The following MTIF2 variants were observed in gnomAD, a reference collection of about 807,000 sequenced individuals.
MTIF2 encodes the protein mitochondrial translational initiation factor 2.
In MTIF2, 71 loss-of-function variants were observed where a neutral mutation model predicts 83.5. That is an observed-to-expected ratio of 0.85 (90% CI 0.70 to 1.04). The LOEUF is 1.04. Among genes scored for constraint, MTIF2 ranks in the 50% least tolerant of loss-of-function variants. The probability of loss-of-function intolerance (pLI) is 0.00; values close to 1 mark genes in which losing one functional copy is unlikely to be tolerated. For synonymous variants in MTIF2, 319 were observed against 287.1 expected, an observed-to-expected ratio of 1.11 and a Z score of -1.12; for missense variants, 957 against 846.5, an observed-to-expected ratio of 1.13 and a Z score of -1.62.
intron 2 of MTIF2, 119 bp from the exon 3 acceptor site, chr2:55,267,754 CAT>C (rs1558588980): frequency 6.6e-6 from 1 of 152,294 alleles, no homozygotes; most frequent in South Asian, 2.1e-4. Context: ...AACCATATCA[CAT>C]GTCTTGATAC....
chr2:55,254,442 A>G (rs1677355932), intron 6 of MTIF2, among the ~76,000 whole-genome samples: 1 of 152,226 alleles, frequency 6.6e-6, no homozygotes, highest in African/African-American at 2.4e-5. Flanking sequence ...ATTCAGACCA[A>G]TGTATACATT....
chr2:55,236,749 T>G lies in MTIF2; in HGVS notation c.2083A>C (p.Ser695Arg). Residue 695 changes from serine (S) to arginine (R), a missense_variant, in exon 16 of 16, where the codon AGT becomes CGT. Around this residue, in one of 3 missense-constraint regions of MTIF2, gnomAD observed 221 missense variants for 180.6 expected, o/e 1.22. Coordinates refer to ENST00000263629, the MANE Select transcript of MTIF2 (RefSeq NM_002453.3). ...AATTCCATATTGTCTTCATCTAAAC[T>G]GAGACCACAATCCATTCCCGTTTTG... ...IVKTGMDCGL[S>R]LDEDNMEFQV... 1 of 1,612,322 alleles carries G rather than the reference T, an allele frequency of 6.2e-7. No individual in the cohort carries two copies. Among genetic ancestry groups the G allele is most frequent in the South Asian group, 1.1e-5 (1 of 90,602 alleles).
intron 14 of MTIF2, 109 bp downstream of exon 14, chr2:55,239,902 A>G (rs1317983184): frequency 1.6e-5 from 15 of 939,020 alleles, no homozygotes; most frequent in Non-Finnish European, 2.3e-5. Context: ...TCTAGAACAC[A>G]GGATATATCT....
chr2:55,243,996 A>T (rs368313818), intron 11 of MTIF2, 33 bp downstream of exon 11: 25 of 1,489,078 alleles, frequency 1.7e-5, no homozygotes, highest in East Asian at 2.4e-5. Context: ...TCATTATATT[A>T]TATCTAATAT....
At chr2:55,253,758 T>A (rs1473687888) in intron 7 of MTIF2, among the ~76,000 whole-genome samples, 5 of 117,894 alleles carry the variant, frequency 4.2e-5, no homozygotes, top group African/African-American at 1.5e-4. Flanking sequence ...GAGGTTGCAG[T>A]GAGCCAAGAT....
intron 3 of MTIF2, among the ~76,000 whole-genome samples, chr2:55,265,882 A>G (rs1048949064): frequency 6.6e-6 from 1 of 152,140 alleles, no homozygotes; most frequent in African/African-American, 2.4e-5. Flanking sequence ...TTCTGTCTCT[A>G]CTGAATATGT....
rs757711114 is a variant in MTIF2, at chr2:55,243,537, A to G, written c.1443T>C (p.Tyr481=). ...KEAHQKAREK[Y]GHLLWKKRSI... ...ATCTCTTCTTCCACAGTAGATGGCC[A>G]TACTTCTCACGGGCTTTCTGATGTG... Residue 481 remains tyrosine (Y), a synonymous_variant, in exon 12 of 16, where the codon TAT becomes TAC. Transcript: ENST00000263629. 1.2e-5 allele frequency: 19 copies of G among 1,613,968 alleles called. 1 individual carries two copies. The highest frequency in any genetic ancestry group is 1.6e-4 in the Middle Eastern group (1 of 6,082).
chr2:55,256,367 CTTGT>C (rs1439605258), intron 5 of MTIF2, among the ~76,000 whole-genome samples: 4 of 151,684 alleles, frequency 2.6e-5, no homozygotes, highest in Non-Finnish European at 4.4e-5. Flanking sequence ...AATTCATTTA[CTTGT>C]TTATGTATCT....
At chr2:55,249,634 T>A (rs184043266) in intron 8 of MTIF2, 100 bp from the exon 9 acceptor site, 1 of 1,418,100 alleles carries the variant, frequency 7.1e-7, no homozygotes, top group Non-Finnish European at 9.6e-7. Context: ...TTTCTCTTTA[T>A]TCAGTGGATG....
intron 12 of MTIF2, 51 bp from the exon 13 acceptor site, chr2:55,243,131 C>G (rs570531915): frequency 1.3e-6 from 2 of 1,511,038 alleles, no homozygotes; most frequent in African/African-American, 2.8e-5. Flanking sequence ...TAGACATCAG[C>G]AGACATAAAA....
intron 15 of MTIF2, 59 bp from the exon 16 acceptor site, chr2:55,236,879 C>G: frequency 7.7e-7 from 1 of 1,294,254 alleles, no homozygotes; most frequent in Non-Finnish European, 1.0e-6. Flanking sequence ...CTACTAAATA[C>G]TACATTATGT....
At chr2:55,249,154 C>T (rs1412849650) in intron 9 of MTIF2, among the ~76,000 whole-genome samples, 6 of 152,082 alleles carry the variant, frequency 3.9e-5, no homozygotes, top group African/African-American at 1.4e-4. Flanking sequence ...CTAAGTATCT[C>T]ATAATAAAAA....
chr2:55,247,626 G>C (rs1176346454), intron 9 of MTIF2, among the ~76,000 whole-genome samples: 2 of 152,094 alleles, frequency 1.3e-5, no homozygotes, highest in African/African-American at 4.8e-5. Context: ...TAAATACTTT[G>C]CTTACCCACC....
chr2:55,250,380 T>C (rs1390527069), intron 8 of MTIF2, among the ~76,000 whole-genome samples: 6 of 140,180 alleles, frequency 4.3e-5, no homozygotes, highest in African/African-American at 1.6e-4. Context: ...TCCTTAAACC[T>C]AAAAGCAAGA....
At chr2:55,244,369 T>C (rs1676542473) in intron 10 of MTIF2, 136 bp from the exon 11 acceptor site, 1 of 700,772 alleles carries the variant, frequency 1.4e-6, no homozygotes. Flanking sequence ...TTAAGCAGTT[T>C]TTCATACTAT....
chr2:55,252,914 G>A (rs1043075945), intron 7 of MTIF2, among the ~76,000 whole-genome samples: 3 of 152,036 alleles, frequency 2.0e-5, no homozygotes, highest in Admixed American at 6.6e-5. Context: ...TTTCATAAAT[G>A]TATCAACTGA....
intron 3 of MTIF2, chr2:55,266,474 C>A (rs1308718010): frequency 7.5e-5 from 11 of 147,586 alleles, no homozygotes; most frequent in African/African-American, 2.7e-4. Context: ...TGCAGTGAGC[C>A]AAGATCACGC....
At chr2:55,264,563 T>C (rs1364708816) in intron 3 of MTIF2, among the ~76,000 whole-genome samples, 1 of 152,138 alleles carries the variant, frequency 6.6e-6, no homozygotes, top group Non-Finnish European at 1.5e-5. Context: ...TTAGAGTCTC[T>C]ACACTCCTAC....
rs946186020 is a variant in MTIF2, at chr2:55,256,087, C to G, written c.332-1262G>C. Among the ~76,000 whole-genome samples, 9 of 152,204 alleles carry G rather than the reference C, an allele frequency of 5.9e-5. No individual in the cohort carries two copies. In the South Asian group the frequency reaches 1.2e-3, roughly 21 times the overall value. On this transcript the variant is annotated intron_variant, in intron 5 of 15. Coordinates refer to ENST00000263629, the MANE Select transcript of MTIF2 (RefSeq NM_002453.3). ...ACAGGGTTTCACCATGTTGGCTAGG[C>G]TGGTCTCAAATTCCTGACCTCAGGT...
Sources: gnomAD v4.1 joint callset for allele counts (sites outside exome capture counted in the v4.1 genomes callset) on GRCh38, gnomAD v4.1.1 for gene constraint, gnomAD v4.1.1 regional missense constraint, MANE v1.5 for transcripts, NCBI Gene and HGNC (gene_info 2026-07-23, HGNC 2026-07-21) for gene names.